AKR1B1: variants seen among roughly 807,000 people sequenced by gnomAD.
The protein encoded by AKR1B1 is aldo-keto reductase family 1 member B1.
Under a neutral mutation model 40.4 loss-of-function variants are expected in AKR1B1, and 22 were observed. The observed-to-expected ratio is 0.54, with a 90% CI of 0.39 to 0.78. The LOEUF (loss-of-function observed/expected upper bound fraction) is 0.78, where lower values mean the gene tolerates loss of function less well. Ranked by LOEUF, AKR1B1 falls within the 30% of genes least tolerant of loss-of-function variation. The pLI is 0.00. For synonymous variants in AKR1B1, 157 were observed against 149.9 expected (o/e 1.05, Z -0.35); for missense variants, 357 against 396.7 (o/e 0.90, Z 0.85).
intron 1 of AKR1B1, among the ~76,000 whole-genome samples, chr7:134,452,917 G>A (rs573750214): frequency 1.3e-5 from 2 of 152,310 alleles, no homozygotes; most frequent in Admixed American, 1.3e-4. Flanking sequence ...GATGCTCATC[G>A]AAGGTGTGGG....
rs1806182570 is a variant in AKR1B1 at position 134,448,605 on chromosome 7, A to G, written c.553-112T>C. 6.2e-6 allele frequency: 5 copies of G among 804,614 alleles called. No homozygotes were observed. In the East Asian group the frequency reaches 1.3e-4, roughly 20 times the overall value. 49.8% of individuals were successfully genotyped at this position (804,614 alleles called of 1,614,324 possible). A position where few individuals can be genotyped will look rare whatever the true frequency, so the allele number is the denominator to read the frequency against. ...CCCTACCCCATACAGAAAACTATGT[A>G]TAACAAACACCCTATTTCCCAGATA... On this transcript the variant is annotated intron_variant, in intron 5 of 9. Coordinates refer to ENST00000285930, the MANE Select transcript of AKR1B1 (RefSeq NM_001628.4).
Position 134,445,225 on chromosome 7 carries a change from G to A in AKR1B1, c.908+13C>T, listed in dbSNP as rs1806058072. ...TCTCCTGGGAACTGCTCCTCACACT[G>A]GGGCTCACTCACCTCAACAAGGCAC... On this transcript the variant is annotated intron_variant, in intron 9 of 9. Transcript: ENST00000285930. 5 of 1,607,520 alleles carry A rather than the reference G, an allele frequency of 3.1e-6. No individual in the cohort carries two copies. The East Asian group carries it at 1.1e-4, about 36-fold the overall frequency.
intron 3 of AKR1B1, among the ~76,000 whole-genome samples, chr7:134,450,481 A>G (rs2117456176): frequency 6.6e-6 from 1 of 152,344 alleles, no homozygotes; most frequent in Non-Finnish European, 1.5e-5. Flanking sequence ...CACTACAGAC[A>G]GCAGCTGTGT....
intron 1 of AKR1B1, among the ~76,000 whole-genome samples, chr7:134,452,299 A>G (rs1333486314): frequency 6.6e-6 from 1 of 152,124 alleles, no homozygotes; most frequent in Non-Finnish European, 1.5e-5. Flanking sequence ...TAAGCACATC[A>G]CTGATGTTTA....
At chr7:134,448,163 C>G (rs941852913) in intron 6 of AKR1B1, 102 bp from the exon 7 acceptor site, 1 of 1,025,820 alleles carries the variant, frequency 9.7e-7, no homozygotes, top group Admixed American at 2.0e-5. Context: ...AGGGCAGCCA[C>G]CAGTCTCCTC....
chr7:134,453,641 TTG>T (rs370950625), intron 1 of AKR1B1, among the ~76,000 whole-genome samples: 26 of 151,842 alleles, frequency 1.7e-4, no homozygotes, highest in African/African-American at 5.3e-4. Flanking sequence ...GAAAAAAAAG[TTG>T]TGAGAGGTTT....
In AKR1B1 at chr7:134,442,632, T is replaced by C. The variant is rs1303282531; in HGVS notation, c.*96A>G. 1 of 1,305,444 alleles carries C rather than the reference T, an allele frequency of 7.7e-7. No individual in the cohort carries two copies. The highest frequency in any genetic ancestry group is 1.8e-5 in the Admixed American group (1 of 55,852). The allele number at this position is 1,305,444 out of a possible 1,614,324, so 80.9% of individuals were successfully genotyped here. On this transcript the variant is annotated 3_prime_UTR_variant, in exon 10 of 10. Coordinates refer to ENST00000285930, the MANE Select transcript of AKR1B1 (RefSeq NM_001628.4). Reference sequence around the variant, plus strand: ...GCCACTCTACAGGTTGCTGTCCCACTGCTGAGTGACACAGGCCATACTACA... The same window carrying C: ...GCCACTCTACAGGTTGCTGTCCCACCGCTGAGTGACACAGGCCATACTACA...
chr7:134,445,187 C>T (rs150161999), intron 9 of AKR1B1, 51 bp downstream of exon 9: 3 of 1,490,462 alleles, frequency 2.0e-6, no homozygotes, highest in African/African-American at 1.4e-5. Context: ...TCTTGCTGTG[C>T]AGCATCTGAA....
chr7:134,457,103 A>G (rs1585720028), intron 1 of AKR1B1, among the ~76,000 whole-genome samples: 1 of 151,060 alleles, frequency 6.6e-6, no homozygotes, highest in Non-Finnish European at 1.5e-5. Context: ...ATGCCACTGC[A>G]CTCCAGCCTG....
chr7:134,457,135 C>CAA (rs11417418), intron 1 of AKR1B1, among the ~76,000 whole-genome samples: 6,798 of 138,024 alleles, frequency 0.049, 201 homozygotes, highest in Non-Finnish European at 0.07. Flanking sequence ...GCCCCTGTCT[C>CAA]AAAAAAAAAA....
rs1416341446 is a variant in AKR1B1 at position 134,453,079 on chromosome 7, G to A, written c.67-1326C>T. Among the ~76,000 whole-genome samples, 4 of 152,196 alleles carry A rather than the reference G, an allele frequency of 2.6e-5. 1 individual carries two copies. The highest frequency in any genetic ancestry group is 5.9e-5 in the Non-Finnish European group (4 of 68,036). On this transcript the variant is annotated intron_variant, in intron 1 of 9. Transcript: ENST00000285930. Reference sequence around the variant, plus strand: ...AATGCCTTACCACAGGCCCTGAGTGGTGTCCGGGCACAACCACCACTGATG... The same window carrying A: ...AATGCCTTACCACAGGCCCTGAGTGATGTCCGGGCACAACCACCACTGATG...
At position 134,442,756 on chromosome 7, in the gene AKR1B1, T is replaced by A. The variant is rs1040268676; in HGVS notation, c.923A>T (p.Lys308Met). 1 of 1,614,138 alleles carries A rather than the reference T, an allele frequency of 6.2e-7. No homozygotes were observed. Among genetic ancestry groups the A allele is most frequent in the Non-Finnish European group, 8.5e-7 (1 of 1,179,980 alleles). Residue 308 changes from lysine (K) to methionine (M), a missense_variant, in exon 10 of 10, where the codon AAG becomes ATG. By Grantham distance (95) the Lys-to-Met change is moderately conservative. Coordinates refer to ENST00000285930, the MANE Select transcript of AKR1B1 (RefSeq NM_001628.4). ...AAACTCTTCATGGAAGGGGTAATCC[T>A]TGTGGGAGGTACAGCTGTCAGGAGA... The part of the protein sequence containing the change: ...VCALLSCTSH[K>M]DYPFHEEF
chr7:134,456,336 A>G (rs1336145650), intron 1 of AKR1B1, among the ~76,000 whole-genome samples: 2 of 151,846 alleles, frequency 1.3e-5, no homozygotes, highest in Non-Finnish European at 2.9e-5. Context: ...AGTAGCTGGG[A>G]CTACAGGTGC....
At position 134,442,662 on chromosome 7, in the gene AKR1B1, C is replaced by A; in HGVS notation, c.*66G>T. On this transcript the variant is annotated 3_prime_UTR_variant, in exon 10 of 10. Transcript: ENST00000285930. ...AGTGACACAGGCCATACTACATTTG[C>A]AAGGAAAAAAATGAGGCAAGAAACA... 1 of 1,554,768 alleles carries A rather than the reference C, an allele frequency of 6.4e-7. No individual in the cohort carries two copies. Among genetic ancestry groups the A allele is most frequent in the South Asian group, 1.1e-5 (1 of 89,310 alleles).
intron 4 of AKR1B1, 179 bp downstream of exon 4, chr7:134,449,541 T>G (rs961618920): frequency 7.9e-5 from 51 of 642,528 alleles, no homozygotes; most frequent in Non-Finnish European, 1.2e-4. Context: ...GAGCCGAGAT[T>G]GTGCCACTGC....
chr7:134,447,800 G>C, intron 7 of AKR1B1, 180 bp downstream of exon 7: 2 of 703,968 alleles, frequency 2.8e-6, no homozygotes, highest in African/African-American at 1.8e-5. Flanking sequence ...ATTAATCTAA[G>C]AGCCCATGCC....
chr7:134,451,165 A>G (rs888303733), intron 2 of AKR1B1: 15 of 573,054 alleles, frequency 2.6e-5, no homozygotes, highest in Non-Finnish European at 4.4e-5. Context: ...CTAAGCAAGA[A>G]CTCTCGAAAC....
intron 1 of AKR1B1, among the ~76,000 whole-genome samples, chr7:134,453,535 C>CT (rs111490596): frequency 3.0e-4 from 45 of 150,156 alleles, no homozygotes; most frequent in African/African-American, 9.0e-4. Flanking sequence ...CCCAAACACA[C>CT]TTTTTTTTTT....
chr7:134,442,430 A>T lies in AKR1B1; in HGVS notation c.*298T>A. On this transcript the variant is annotated 3_prime_UTR_variant, in exon 10 of 10. Transcript: ENST00000285930. ...TTCCAGTTCCAAGCAGTCAAAACTCAACCGTTAGTGGCACTATTTTGACCT... is the reference window on the plus strand; with the variant it reads ...TTCCAGTTCCAAGCAGTCAAAACTCTACCGTTAGTGGCACTATTTTGACCT... The T allele has an allele frequency of 3.3e-6, 1 of 307,030 alleles. No homozygotes were observed. The highest frequency in any genetic ancestry group is 6.1e-6 in the Non-Finnish European group (1 of 164,608). 19.0% of individuals were successfully genotyped at this position (307,030 alleles called of 1,614,324 possible). A position where few individuals can be genotyped will look rare whatever the true frequency, so the allele number is the denominator to read the frequency against.
Sources: gnomAD v4.1 joint callset for allele counts (sites outside exome capture counted in the v4.1 genomes callset) on GRCh38, gnomAD v4.1.1 for gene constraint, MANE v1.5 for transcripts, NCBI Gene and HGNC (gene_info 2026-07-23, HGNC 2026-07-21) for gene names.